Variants in OSBP2 observed in about 807,000 individuals in gnomAD.
OSBP2 encodes oxysterol-binding protein 2.
OSBP2 carries 66 observed loss-of-function variants against 96.0 expected under a neutral mutation model. That is an observed-to-expected ratio of 0.69 (90% CI 0.56 to 0.84). The LOEUF (loss-of-function observed/expected upper bound fraction) is 0.84. Ranked by LOEUF, OSBP2 falls within the 40% of genes least tolerant of loss-of-function variation. The pLI, the probability that OSBP2 is intolerant of heterozygous loss-of-function variation, is 0.00. For synonymous variants in OSBP2, 525 were observed against 520.9 expected, an observed-to-expected ratio of 1.01 and a Z score of -0.11; for missense variants, 1,038 against 1,222.7, an observed-to-expected ratio of 0.85 and a Z score of 2.25.
intron 8 of OSBP2, among the ~76,000 whole-genome samples, chr22:30,892,509 G>A (rs968609474): frequency 2.0e-5 from 3 of 152,066 alleles, no homozygotes; most frequent in African/African-American, 7.2e-5. Flanking sequence ...TGGGGAGTGG[G>A]TAGACTTAGG....
At chr22:30,817,485 G>A (rs891162332) in intron 2 of OSBP2, among the ~76,000 whole-genome samples, 1 of 152,194 alleles carries the variant, frequency 6.6e-6, no homozygotes, top group African/African-American at 2.4e-5. Flanking sequence ...CCAAGCTGGT[G>A]CTGGCATCTG....
intron 1 of OSBP2, among the ~76,000 whole-genome samples, chr22:30,707,358 A>G (rs772524255): frequency 6.6e-6 from 1 of 152,072 alleles, no homozygotes; most frequent in Non-Finnish European, 1.5e-5. Flanking sequence ...TGACCTCCCA[A>G]AGTGTTAGGA....
At chr22:30,869,204 A>C (rs2039409237) in intron 2 of OSBP2, among the ~76,000 whole-genome samples, 1 of 152,168 alleles carries the variant, frequency 6.6e-6, no homozygotes, top group South Asian at 2.1e-4. Context: ...AGAGAGAGGT[A>C]AGAGGGGGCG....
chr22:30,889,744 T>C, intron 7 of OSBP2, 108 bp downstream of exon 7: 3 of 1,025,952 alleles, frequency 2.9e-6, no homozygotes, highest in Non-Finnish European at 4.4e-6. Flanking sequence ...TGGAGTGTCA[T>C]TTTCTTAACG....
In OSBP2 at chr22:30,907,325, A is replaced by G. The variant is rs1340318771; in HGVS notation, c.*986A>G. On this transcript the variant is annotated 3_prime_UTR_variant, in exon 14 of 14. Coordinates refer to ENST00000332585, the MANE Select transcript of OSBP2 (RefSeq NM_030758.4). The stretch of plus-strand genomic sequence containing the variant: ...CTCTTTATTTGCCTAATTTATATAT[A>G]TATATATGAGATATATAAATATATA... 1 of 151,224 alleles carries G rather than the reference A, an allele frequency of 6.6e-6. No homozygotes were observed. The highest frequency in any genetic ancestry group is 1.5e-5 in the Non-Finnish European group (1 of 67,792). 9.4% of individuals were successfully genotyped at this position (151,224 alleles called of 1,614,324 possible). A position where few individuals can be genotyped will look rare whatever the true frequency, so the allele number is the denominator to read the frequency against.
At chr22:30,734,584 G>T (rs2089824175) in intron 1 of OSBP2, among the ~76,000 whole-genome samples, 1 of 152,252 alleles carries the variant, frequency 6.6e-6, no homozygotes, top group East Asian at 1.9e-4. Context: ...TACAACATGA[G>T]CAGGTGCACT....
chr22:30,905,716 C>G lies in OSBP2; in HGVS notation c.2376-121C>G, dbSNP rs1053255873. On this transcript the variant is annotated intron_variant, in intron 12 of 13. Coordinates refer to ENST00000332585, the MANE Select transcript of OSBP2 (RefSeq NM_030758.4). Reference sequence around the variant, plus strand: ...GCCCAAGGCCAGAGGGAGTCCTGGACGCGGGGAGCTGGAGGGTGAGGCGAC... The same window carrying G: ...GCCCAAGGCCAGAGGGAGTCCTGGAGGCGGGGAGCTGGAGGGTGAGGCGAC... The G allele has an allele frequency of 4.9e-6, 7 of 1,414,770 alleles. No homozygotes were observed. The South Asian group carries it at 9.5e-5, about 19-fold the overall frequency. 87.6% of individuals were successfully genotyped at this position (1,414,770 alleles called of 1,614,324 possible). A position where few individuals can be genotyped will look rare whatever the true frequency, so the allele number is the denominator to read the frequency against.
chr22:30,902,277 C>T (rs576005609), intron 12 of OSBP2: 64 of 1,589,656 alleles, frequency 4.0e-5, no homozygotes, highest in Admixed American at 8.4e-5. Context: ...GACATAGATG[C>T]TATCTTTAAG....
Position 30,856,373 on chromosome 22 carries a change from C to CTTTTTTTTTTTTTTTTT in OSBP2, c.854-14042_854-14026dup, listed in dbSNP as rs56875088. ...CTTGGCAGTTGGAAACAGAGCCCTT[C>CTTTTTTTTTTTTTTTTT]TTTTTTTTTTTTTTTTTTTTTTTTT... On this transcript the variant is annotated intron_variant, in intron 2 of 13. Transcript: ENST00000332585. Among the ~76,000 whole-genome samples, 7 of 101,426 alleles carry CTTTTTTTTTTTTTTTTT rather than the reference C, an allele frequency of 6.9e-5. 1 individual carries two copies. Among genetic ancestry groups the CTTTTTTTTTTTTTTTTT allele is most frequent in the Non-Finnish European group, 1.0e-4 (5 of 50,132 alleles). The allele number at this position is 101,426 out of a possible 152,430, so 66.5% of individuals were successfully genotyped here. A position where few individuals can be genotyped will look rare whatever the true frequency, so the allele number is the denominator to read the frequency against.
Position 30,888,345 on chromosome 22 carries a change from G to A in OSBP2, c.1418+5G>A, listed in dbSNP as rs1240297265. 1 of 1,581,228 alleles carries A rather than the reference G, an allele frequency of 6.3e-7. No individual in the cohort carries two copies. Among genetic ancestry groups the A allele is most frequent in the Admixed American group, 1.7e-5 (1 of 59,990 alleles). ...CACCGAGGCCAAGGAAGACAGGTAA[G>A]GTGGCTGCAGCTGGGCAGAGCCTCC... is the stretch of plus-strand genomic sequence containing the variant. On this transcript the variant is annotated splice_donor_5th_base_variant and intron_variant, in intron 5 of 13. Coordinates refer to ENST00000332585, the MANE Select transcript of OSBP2 (RefSeq NM_030758.4).
In OSBP2 at chr22:30,890,705, A is replaced by C; in HGVS notation, c.1624-23A>C. On this transcript the variant is annotated intron_variant, in intron 7 of 13. Transcript: ENST00000332585. This position sits in a 1 kb window ranked among gnomAD's most constrained non-coding sequence, Gnocchi z 4.4. ...CAAGCCGGGGCTGGTGCCCAGCCTG[A>C]CCACCCACCTGTCCACCCACAGGTG... The C allele has an allele frequency of 1.9e-6, 3 of 1,607,388 alleles. No individual in the cohort carries two copies. The highest frequency in any genetic ancestry group is 2.5e-6 in the Non-Finnish European group (3 of 1,177,824).
intron 2 of OSBP2, among the ~76,000 whole-genome samples, chr22:30,843,820 A>G (rs1283074439): frequency 6.6e-6 from 1 of 151,740 alleles, no homozygotes; most frequent in Non-Finnish European, 1.5e-5. Flanking sequence ...GTGAGCCAGG[A>G]TCGTGCCACT....
Position 30,884,664 on chromosome 22 carries a change from A to G in OSBP2, c.1108-2762A>G, listed in dbSNP as rs1234310274. 2.0e-5 allele frequency among the ~76,000 whole-genome samples: 3 copies of G among 152,022 alleles called. No individual in the cohort carries two copies. In the East Asian group the frequency reaches 5.8e-4, roughly 29 times the overall value. ...GGGCCCCTTTCCACCGAGCCAGGCC[A>G]GCCACGAGAGCTCGGGCTCTCCCTG... On this transcript the variant is annotated intron_variant, in intron 3 of 13. Coordinates refer to ENST00000332585, the MANE Select transcript of OSBP2 (RefSeq NM_030758.4).
At chr22:30,786,898 A>G (rs2090597407) in intron 2 of OSBP2, among the ~76,000 whole-genome samples, 1 of 152,070 alleles carries the variant, frequency 6.6e-6, no homozygotes, top group Non-Finnish European at 1.5e-5. Context: ...TCCCAGGTTC[A>G]AGCGATTCTC....
chr22:30,884,346 C>T (rs999728881), intron 3 of OSBP2, among the ~76,000 whole-genome samples: 6 of 152,172 alleles, frequency 3.9e-5, no homozygotes, highest in African/African-American at 1.4e-4. Context: ...CTTGTGGGCA[C>T]AGCATCTGTC....
At chr22:30,739,732 AAG>A (rs1415923655) in intron 1 of OSBP2, among the ~76,000 whole-genome samples, 1 of 152,150 alleles carries the variant, frequency 6.6e-6, no homozygotes, top group Non-Finnish European at 1.5e-5. Context: ...GCAATAGAGA[AAG>A]AGTAATTCAC....
At chr22:30,811,852 G>A (rs2091012554) in intron 2 of OSBP2, among the ~76,000 whole-genome samples, 1 of 151,010 alleles carries the variant, frequency 6.6e-6, no homozygotes, top group African/African-American at 2.4e-5. Flanking sequence ...ACCGCGCCCG[G>A]CCTATTTTTT....
At position 30,893,913 on chromosome 22, in the gene OSBP2, A is replaced by G; in HGVS notation, c.2287A>G (p.Ser763Gly). Residue 763 changes from serine to glycine, a missense_variant, in exon 12 of 14, where the codon AGT becomes GGT. Physicochemically the swap from Ser to Gly is moderately conservative, Grantham distance 56. This residue lies in a region of OSBP2 where 737 missense variants were observed against 913.3 expected (regional missense o/e 0.81). Transcript: ENST00000332585. ...GGAGTGCTCCAAGGTCATGCATAGC[A>G]GTCCCAGCAGCCCCAGCTCTGACGG... ...QMECSKVMHS[S>G]PSSPSSDGKQ... 1.3e-6 allele frequency: 2 copies of G among 1,592,388 alleles called. No homozygotes were observed. Among genetic ancestry groups the G allele is most frequent in the South Asian group, 1.1e-5 (1 of 87,844 alleles).
intron 2 of OSBP2, among the ~76,000 whole-genome samples, chr22:30,815,874 A>G (rs535039425): frequency 6.6e-6 from 1 of 152,060 alleles, no homozygotes; most frequent in Non-Finnish European, 1.5e-5. Context: ...TGAGTTTCCC[A>G]TTTGTGCTAT....
Sources: allele counts gnomAD v4.1 joint callset (sites outside exome capture counted in the v4.1 genomes callset), GRCh38; gene constraint gnomAD v4.1.1; regional missense constraint gnomAD v4.1.1; non-coding constraint Gnocchi (gnomAD v3.1); transcripts MANE v1.5; gene names NCBI Gene and HGNC (gene_info 2026-07-23, HGNC 2026-07-21).